Variants in THSD7B observed in about 807,000 individuals in gnomAD.
THSD7B encodes thrombospondin type-1 domain-containing protein 7B.
In THSD7B, 138 loss-of-function variants were observed where a neutral mutation model predicts 213.6. The ratio of observed to expected loss-of-function variants is 0.65; its 90% CI spans 0.56 to 0.74. The LOEUF is 0.74. Among genes scored for constraint, THSD7B ranks in the 30% least tolerant of loss-of-function variants. THSD7B has a pLI of 0.00. For synonymous variants in THSD7B, 742 were observed against 687.0 expected, an observed-to-expected ratio of 1.08 and a Z score of -1.25; for missense variants, 1,931 against 1,991.5, an observed-to-expected ratio of 0.97 and a Z score of 0.58.
At chr2:137,426,478 C>A (rs1296188144) in intron 14 of THSD7B, among the ~76,000 whole-genome samples, 1 of 152,088 alleles carries the variant, frequency 6.6e-6, no homozygotes, top group Non-Finnish European at 1.5e-5. Flanking sequence ...GGCATAAAAA[C>A]AGACACATAA....
intron 2 of THSD7B, among the ~76,000 whole-genome samples, chr2:136,931,765 G>T (rs1435534965): frequency 6.6e-5 from 10 of 152,144 alleles, no homozygotes; most frequent in African/African-American, 2.4e-4. Flanking sequence ...AAAGTAGACT[G>T]TATTGTGCAA....
intron 12 of THSD7B, among the ~76,000 whole-genome samples, chr2:137,337,970 A>G (rs932173655): frequency 6.6e-6 from 1 of 152,060 alleles, no homozygotes; most frequent in African/African-American, 2.4e-5. Context: ...TAATCTGGTT[A>G]TTTAGTGCTA....
chr2:137,503,231 A>G (rs1679751432), intron 15 of THSD7B, among the ~76,000 whole-genome samples: 1 of 152,188 alleles, frequency 6.6e-6, no homozygotes, highest in South Asian at 2.1e-4. Flanking sequence ...TAAGTATACA[A>G]TAGAGTTCAG....
chr2:137,658,940 GTCT>G (rs1158944958), intron 24 of THSD7B, among the ~76,000 whole-genome samples: 1 of 152,170 alleles, frequency 6.6e-6, no homozygotes, highest in African/African-American at 2.4e-5. Context: ...TCTAGGCTTT[GTCT>G]CATGTCTCTT....
At chr2:137,419,324 G>T (rs1483966511) in intron 14 of THSD7B, among the ~76,000 whole-genome samples, 1 of 150,542 alleles carries the variant, frequency 6.6e-6, no homozygotes, top group East Asian at 2.0e-4. Context: ...TGCTTATCCT[G>T]TAGCCACTGC....
chr2:136,912,991 T>C (rs1425855470), intron 2 of THSD7B, among the ~76,000 whole-genome samples: 1 of 152,184 alleles, frequency 6.6e-6, no homozygotes, highest in Admixed American at 6.5e-5. Flanking sequence ...TTGGAAGAGT[T>C]TGAAGGGCTC....
chr2:137,104,945 C>G (rs1175830658), intron 4 of THSD7B, among the ~76,000 whole-genome samples: 1 of 152,116 alleles, frequency 6.6e-6, no homozygotes, highest in Non-Finnish European at 1.5e-5. Context: ...AATTGCAGGA[C>G]CAAACGGATT....
rs937446288 is a variant in THSD7B, at chr2:137,481,811, A to G, written c.3138+30788A>G. Among the ~76,000 whole-genome samples, 13 of 152,218 alleles carry G rather than the reference A, an allele frequency of 8.5e-5. 1 individual carries two copies. Among genetic ancestry groups the G allele is most frequent in the Admixed American group, 5.9e-4 (9 of 15,282 alleles). ...ACCCTAGTAGCATTTTCATATATCC[A>G]GGGAGTCTCAGGAACGATGCTTATA... On this transcript the variant is annotated intron_variant, in intron 15 of 27. Transcript: ENST00000409968.
At chr2:137,600,773 G>C (rs1682062230) in intron 17 of THSD7B, among the ~76,000 whole-genome samples, 1 of 152,024 alleles carries the variant, frequency 6.6e-6, no homozygotes, top group Admixed American at 6.6e-5. Flanking sequence ...TTAACTACAA[G>C]ACAGCATCAG....
intron 5 of THSD7B, among the ~76,000 whole-genome samples, chr2:137,145,054 T>C (rs1254213025): frequency 6.6e-6 from 1 of 152,026 alleles, no homozygotes; most frequent in African/African-American, 2.4e-5. Context: ...AGGAGAAAAG[T>C]AGGCTGTTAT....
At chr2:136,788,740 G>A (rs1354361676) in intron 1 of THSD7B, among the ~76,000 whole-genome samples, 1 of 152,036 alleles carries the variant, frequency 6.6e-6, no homozygotes, top group South Asian at 2.1e-4. Context: ...AAACCTGTGC[G>A]ACATGCCTTA....
intron 15 of THSD7B, among the ~76,000 whole-genome samples, chr2:137,554,104 A>G (rs961333568): frequency 4.6e-5 from 7 of 151,874 alleles, no homozygotes; most frequent in African/African-American, 1.5e-4. Flanking sequence ...TCTTCACCAA[A>G]GTTCCATAAT....
intron 14 of THSD7B, among the ~76,000 whole-genome samples, chr2:137,437,570 G>A (rs1052348707): frequency 1.6e-4 from 24 of 152,134 alleles, no homozygotes; most frequent in African/African-American, 5.8e-4. Context: ...AGCAAGAAGA[G>A]ACATGAAAGC....
At chr2:137,180,026 T>G (rs1680424956) in intron 7 of THSD7B, among the ~76,000 whole-genome samples, 1 of 152,148 alleles carries the variant, frequency 6.6e-6, no homozygotes, top group Admixed American at 6.5e-5. Context: ...TTTATTTCCT[T>G]TATAGGTTAT....
rs140204518 is a variant in THSD7B, at chr2:137,344,065, G to A, written c.2501-61548G>A. On this transcript the variant is annotated intron_variant, in intron 12 of 27. Transcript: ENST00000409968. ...CCTGGGCCACTGACCAGTATTGGCC[G>A]CATTAGATTCTCACAGGAGAGCAAA... Among the ~76,000 whole-genome samples, 126 of 151,808 alleles carry A rather than the reference G, an allele frequency of 8.3e-4. 2 individuals are homozygous for A. In the South Asian group the frequency reaches 0.023, roughly 28 times the overall value.
rs116761304 is a variant in THSD7B, at chr2:137,347,399, G to A, written c.2501-58214G>A. Among the ~76,000 whole-genome samples, 502 of 151,702 alleles carry A rather than the reference G, an allele frequency of 3.3e-3. 6 individuals are homozygous for A. Among genetic ancestry groups the A allele is most frequent in the African/African-American group, 0.012 (483 of 41,460 alleles). On this transcript the variant is annotated intron_variant, in intron 12 of 27. Transcript: ENST00000409968. ...GATTAATAAGTCAATGAAAGGATTA[G>A]TATATAATTTATAGTTATGGAAGAT...
intron 2 of THSD7B, among the ~76,000 whole-genome samples, chr2:136,995,274 G>A (rs934778111): frequency 6.6e-6 from 1 of 152,276 alleles, no homozygotes; most frequent in Middle Eastern, 3.4e-3. Flanking sequence ...AGGGAAAGCT[G>A]GGATGGTGTG....
intron 9 of THSD7B, among the ~76,000 whole-genome samples, chr2:137,237,120 A>G (rs71348728): frequency 0.34 from 49,759 of 145,410 alleles, 8,211 homozygotes; most frequent in East Asian, 0.46. Flanking sequence ...TCTCAAAAAA[A>G]AAAAAAAAAA....
intron 2 of THSD7B, among the ~76,000 whole-genome samples, chr2:136,964,846 C>CA (rs1261448446): frequency 1.3e-5 from 2 of 151,816 alleles, no homozygotes; most frequent in Non-Finnish European, 2.9e-5. Flanking sequence ...ACTAAAAATA[C>CA]AAAAATTAGC....
Sources: allele counts gnomAD v4.1 joint callset (sites outside exome capture counted in the v4.1 genomes callset), GRCh38; gene constraint gnomAD v4.1.1; transcripts MANE v1.5; gene names NCBI Gene and HGNC (gene_info 2026-07-23, HGNC 2026-07-21).